The following ADCY6 variants were observed in gnomAD, a reference collection of about 807,000 sequenced individuals.
ADCY6 encodes the protein adenylate cyclase type 6.
In ADCY6, 59 loss-of-function variants were observed where a neutral mutation model predicts 111.6. That is an observed-to-expected ratio of 0.53 (90% confidence interval 0.43 to 0.66). The LOEUF (loss-of-function observed/expected upper bound fraction) is 0.66. Ranked by LOEUF, ADCY6 falls within the 30% of genes least tolerant of loss-of-function variation. The probability of loss-of-function intolerance (pLI) is 0.00; values close to 1 mark genes in which losing one functional copy is unlikely to be tolerated. For synonymous variants in ADCY6, 576 were observed against 642.9 expected, an observed-to-expected ratio of 0.90 and a Z score of 1.57; for missense variants, 1,242 against 1,595.6, an observed-to-expected ratio of 0.78 and a Z score of 3.78.
In ADCY6 at chr12:48,773,606, A is replaced by G; in HGVS notation, c.2484T>C (p.Ser828=). 1 of 1,614,158 alleles carries G rather than the reference A, an allele frequency of 6.2e-7. No homozygotes were observed. Among genetic ancestry groups the G allele is most frequent in the Non-Finnish European group, 8.5e-7 (1 of 1,180,010 alleles). Residue 828 remains serine (S), a synonymous_variant, in exon 16 of 22, where the codon TCT becomes TCC. Transcript: ENST00000357869. ...GNMLLSLLAS[S]VFLHISSIGK... ...CGATGCTGCTGATGTGCAGGAAGACAGAGCTGGCCAAGAGACTCAGCAGCA... is the reference window on the plus strand; with the variant it reads ...CGATGCTGCTGATGTGCAGGAAGACGGAGCTGGCCAAGAGACTCAGCAGCA...
chr12:48,768,891 C>T, intron 21 of ADCY6, 46 bp downstream of exon 21: 2 of 1,575,874 alleles, frequency 1.3e-6, no homozygotes, highest in Non-Finnish European at 1.7e-6. Flanking sequence ...CTGTGGAAGC[C>T]CTCCGGGCCC....
chr12:48,775,163 C>T, intron 11 of ADCY6, 109 bp from the exon 12 acceptor site: 1 of 1,457,494 alleles, frequency 6.9e-7, no homozygotes, highest in Non-Finnish European at 9.4e-7. Flanking sequence ...GCAGTTGGCT[C>T]AACTGATGAA....
At chr12:48,772,646 T>A in intron 16 of ADCY6, 103 bp from the exon 17 acceptor site, 1 of 1,372,356 alleles carries the variant, frequency 7.3e-7, no homozygotes, top group Non-Finnish European at 1.0e-6. Flanking sequence ...GCACATACTG[T>A]AAGTCAGGCA....
At position 48,783,257 on chromosome 12, in the gene ADCY6, G is replaced by A; in HGVS notation, c.178C>T (p.Pro60Ser). ...TCATCCTGCCAGGGGCACCGAGGGG[G>A]GCCCGCAGGGGTGGGGCTGGGTGGC... The part of the protein sequence containing the change: ...AEPPSPTPAG[P>S]PRCPWQDDAF... Residue 60 changes from proline (P) to serine (S), a missense_variant, in exon 2 of 22, where the codon CCC (proline) becomes TCC (serine). Transcript: ENST00000357869. 6.2e-7 allele frequency: 1 copy of A among 1,610,874 alleles called. No individual in the cohort carries two copies. Among genetic ancestry groups the A allele is most frequent in the African/African-American group, 1.3e-5 (1 of 75,042 alleles).
In ADCY6 at chr12:48,788,941, G is replaced by T. The variant is rs1196979001; in HGVS notation, c.-40C>A. 28 of 75,270 alleles carry T rather than the reference G, an allele frequency of 3.7e-4. No individual in the cohort carries two copies. The highest frequency in any genetic ancestry group is 8.7e-4 in the Admixed American group (6 of 6,894). 4.7% of individuals were successfully genotyped at this position (75,270 alleles called of 1,614,324 possible). A position where few individuals can be genotyped will look rare whatever the true frequency, so the allele number is the denominator to read the frequency against. ...GGCTCCGCGCCTGCCCTGGGCCCCC[G>T]CCCCGCCGCCCCCGCGGGCTCCGGC... On this transcript the variant is annotated 5_prime_UTR_variant, in exon 1 of 22. Coordinates refer to ENST00000357869, the MANE Select transcript of ADCY6 (RefSeq NM_015270.5).
At chr12:48,769,811 G>C (rs539726385) in intron 20 of ADCY6, among the ~76,000 whole-genome samples, 1 of 149,718 alleles carries the variant, frequency 6.7e-6, no homozygotes, top group South Asian at 2.1e-4. Flanking sequence ...ACCCAGGCTG[G>C]AGTGCAGTGG....
In ADCY6 at chr12:48,771,679, C is replaced by G; in HGVS notation, c.3051+31G>C. Reference sequence around the variant, plus strand: ...CCCTGGTCTCCAAGTACCCCCCACTCTCTGCCACCACCAGCCAACTGGAAA... The same window carrying G: ...CCCTGGTCTCCAAGTACCCCCCACTGTCTGCCACCACCAGCCAACTGGAAA... On this transcript the variant is annotated intron_variant, in intron 19 of 21. Transcript: ENST00000357869. This position sits in a 1 kb window ranked among gnomAD's most constrained non-coding sequence, Gnocchi z 4.3. 1 of 1,613,062 alleles carries G rather than the reference C, an allele frequency of 6.2e-7. No individual in the cohort carries two copies. The highest frequency in any genetic ancestry group is 8.5e-7 in the Non-Finnish European group (1 of 1,180,026).
rs1284238903 is a variant in ADCY6, at chr12:48,771,365, C to T, written c.3051+345G>A. 1.4e-5 allele frequency: 7 copies of T among 492,278 alleles called. No homozygotes were observed. Among genetic ancestry groups the T allele is most frequent in the Non-Finnish European group, 1.9e-5 (5 of 268,924 alleles). The allele number at this position is 492,278 out of a possible 1,614,324, so 30.5% of individuals were successfully genotyped here. A position where few individuals can be genotyped will look rare whatever the true frequency, so the allele number is the denominator to read the frequency against. ...ACCTCACATTTTGCTTCAATTTTCT[C>T]TATTCAGAGGACCATCTTGCTTGGT... is the stretch of plus-strand genomic sequence containing the variant. On this transcript the variant is annotated intron_variant, in intron 19 of 21. Transcript: ENST00000357869. This position sits in a 1 kb window ranked among gnomAD's most constrained non-coding sequence, Gnocchi z 4.3.
At position 48,771,851 on chromosome 12, in the gene ADCY6, G is replaced by GAGTT. The variant is rs766252180; in HGVS notation, c.2906_2909dup (p.Tyr971ThrfsTer7). ...CCACACACTCACACGACTGATAGTAGAGTTCATCATTGCGGCGCTCCCGGG... is the reference window on the plus strand; with the variant it reads ...CCACACACTCACACGACTGATAGTAGAGTTAGTTCATCATTGCGGCGCTCCCGGG... On this transcript the variant is annotated frameshift_variant, in exon 19 of 22. Transcript: ENST00000357869. LOFTEE classifies it high-confidence loss of function. The surrounding 1 kb of genome is among the most constrained non-coding windows in gnomAD (Gnocchi z 4.3). 2 of 1,614,202 alleles carry GAGTT rather than the reference G, an allele frequency of 1.2e-6. No homozygotes were observed. Among genetic ancestry groups the GAGTT allele is most frequent in the South Asian group, 2.2e-5 (2 of 91,084 alleles).
Position 48,776,171 on chromosome 12 carries a change from T to C in ADCY6, c.1677+38A>G, listed in dbSNP as rs1218306779. 6.2e-7 allele frequency: 1 copy of C among 1,613,936 alleles called. No homozygotes were observed. Among genetic ancestry groups the C allele is most frequent in the Non-Finnish European group, 8.5e-7 (1 of 1,179,942 alleles). On this transcript the variant is annotated intron_variant, in intron 8 of 21. Coordinates refer to ENST00000357869, the MANE Select transcript of ADCY6 (RefSeq NM_015270.5). The surrounding 1 kb of genome is among the most constrained non-coding windows in gnomAD (Gnocchi z 6.1). ...CCTGCTCCTCCCCATTTGTCCCTCT[T>C]CTTGCTCCCCTGCCCCCAGCCCTGC...
intron 1 of ADCY6, among the ~76,000 whole-genome samples, chr12:48,788,017 G>T (rs77849957): frequency 0.013 from 2,046 of 152,088 alleles, 49 homozygotes; most frequent in African/African-American, 0.048. Flanking sequence ...GGCTCCAGGG[G>T]ATTAAAAACG....
Position 48,776,973 on chromosome 12 carries a change from T to C in ADCY6, c.1376+131A>G, listed in dbSNP as rs1051577547. 1.5e-6 allele frequency: 2 copies of C among 1,356,216 alleles called. No individual in the cohort carries two copies. Among genetic ancestry groups the C allele is most frequent in the African/African-American group, 2.9e-5 (2 of 68,514 alleles). 84.0% of individuals were successfully genotyped at this position (1,356,216 alleles called of 1,614,324 possible). ...GCACAGGTTGGAGAAAGATTCCCCT[T>C]CCCAGTGACAGACAGACCTCAAAGA... On this transcript the variant is annotated intron_variant, in intron 6 of 21. Coordinates refer to ENST00000357869, the MANE Select transcript of ADCY6 (RefSeq NM_015270.5). This position sits in a 1 kb window ranked among gnomAD's most constrained non-coding sequence, Gnocchi z 6.1.
chr12:48,770,737 A>C, intron 20 of ADCY6, 29 bp downstream of exon 20: 30 of 1,604,118 alleles, frequency 1.9e-5, no homozygotes, highest in African/African-American at 2.7e-5. Context: ...AGTCCTGGGA[A>C]AACCCGCCAA....
At chr12:48,774,567 G>A (rs772463342) in intron 13 of ADCY6, 49 bp from the exon 14 acceptor site, 1 of 1,589,302 alleles carries the variant, frequency 6.3e-7, no homozygotes, top group Admixed American at 1.7e-5. Context: ...AGCCAAGGAG[G>A]AATGGCAACC....
rs748840221 is a variant in ADCY6 at position 48,782,737 on chromosome 12, C to G, written c.698G>C (p.Arg233Pro). The part of the protein sequence containing the change: ...QVGGALAADP[R>P]SPSAGLWCPV... ...GCACCAGAGGCCCGCAGAGGGGCTG[C>G]GCGGGTCTGCTGCGAGAGCGCCCCC... The change falls in exon 2 of 22, where the codon CGC becomes CCC. Residue 233 changes from arginine to proline, a missense_variant. Arg to Pro is a moderately radical substitution (Grantham distance 103). Around this residue, in one of 4 missense-constraint regions of ADCY6, gnomAD observed 362 missense variants for 377.2 expected, o/e 0.96. Coordinates refer to ENST00000357869, the MANE Select transcript of ADCY6 (RefSeq NM_015270.5). This position sits in a 1 kb window ranked among gnomAD's most constrained non-coding sequence, Gnocchi z 4.3. 2.5e-6 allele frequency: 4 copies of G among 1,601,904 alleles called. No homozygotes were observed. The African/African-American group carries it at 5.3e-5, about 21-fold the overall frequency.
chr12:48,767,604 G>A lies in ADCY6; in HGVS notation c.*987C>T, dbSNP rs1226368368. 4 of 152,664 alleles carry A rather than the reference G, an allele frequency of 2.6e-5. No individual in the cohort carries two copies. Among genetic ancestry groups the A allele is most frequent in the Admixed American group, 1.3e-4 (2 of 15,276 alleles). 9.5% of individuals were successfully genotyped at this position (152,664 alleles called of 1,614,324 possible). A position where few individuals can be genotyped will look rare whatever the true frequency, so the allele number is the denominator to read the frequency against. On this transcript the variant is annotated 3_prime_UTR_variant, in exon 22 of 22. Transcript: ENST00000357869. ...ACCAGAGACTTGGGAGGGCAGGTTT[G>A]GGATCAGGGTCACCTTTCTCCATGC... is the stretch of plus-strand genomic sequence containing the variant.
rs770933580 is a variant in ADCY6 at position 48,776,567 on chromosome 12, C to T, written c.1396G>A (p.Gly466Ser). ...EAISLVREVT[G>S]VNVNMRVGIH... The stretch of plus-strand genomic sequence containing the variant: ...CCCACGCGCATGTTCACATTCACAC[C>T]TGTCACCTCACGTACCAGCCTGGGA... The change falls in exon 7 of 22, where the codon GGT becomes AGT. Residue 466 changes from glycine to serine, a missense_variant. Around this residue, in one of 4 missense-constraint regions of ADCY6, gnomAD observed 260 missense variants for 414.6 expected, o/e 0.63. Transcript: ENST00000357869. This position sits in a 1 kb window ranked among gnomAD's most constrained non-coding sequence, Gnocchi z 6.1. 3.1e-6 allele frequency: 5 copies of T among 1,611,544 alleles called. No individual in the cohort carries two copies.
intron 1 of ADCY6, among the ~76,000 whole-genome samples, chr12:48,785,282 C>T (rs867062083): frequency 6.6e-6 from 1 of 152,202 alleles, no homozygotes; most frequent in African/African-American, 2.4e-5. Flanking sequence ...TTTTGACCTG[C>T]TGTGCTCACT....
At chr12:48,788,469 G>C (rs1040522367) in intron 1 of ADCY6, among the ~76,000 whole-genome samples, 2 of 152,120 alleles carry the variant, frequency 1.3e-5, no homozygotes, top group Non-Finnish European at 2.9e-5. Context: ...AAGGTTTTGG[G>C]TGAGGGGAAG....
Sources: allele counts gnomAD v4.1 joint callset (sites outside exome capture counted in the v4.1 genomes callset), GRCh38; gene constraint gnomAD v4.1.1; regional missense constraint gnomAD v4.1.1; non-coding constraint Gnocchi (gnomAD v3.1); transcripts MANE v1.5; gene names NCBI Gene and HGNC (gene_info 2026-07-23, HGNC 2026-07-21).